Variants in MTUS2 observed in about 807,000 individuals in gnomAD.
MTUS2 encodes the protein microtubule-associated tumor suppressor candidate 2.
MTUS2 carries 40 observed loss-of-function variants against 114.1 expected under a neutral mutation model. That is an observed-to-expected ratio of 0.35 (90% confidence interval 0.27 to 0.46). The LOEUF (loss-of-function observed/expected upper bound fraction) is 0.46, where lower values mean the gene tolerates loss of function less well. MTUS2 is among the 20% of genes least tolerant of loss of function. The pLI is 1.00. For missense variants in MTUS2, 1,679 were observed against 1,705.4 expected (o/e 0.98, Z 0.27); for synonymous variants, 688 against 672.0 (o/e 1.02, Z -0.37).
chr13:29,064,573 T>C (rs141648074), intron 4 of MTUS2, among the ~76,000 whole-genome samples: 1,599 of 152,268 alleles, frequency 0.011, 26 homozygotes, highest in African/African-American at 0.037. Context: ...TTTTTACACA[T>C]TGTCATATTT....
chr13:29,490,417 A>G (rs1455321082), intron 11 of MTUS2, among the ~76,000 whole-genome samples: 2 of 152,222 alleles, frequency 1.3e-5, no homozygotes, highest in African/African-American at 4.8e-5. Flanking sequence ...CCCTCTCATT[A>G]TAACATGAAA....
At chr13:29,376,203 A>T (rs1871734247) in intron 8 of MTUS2, among the ~76,000 whole-genome samples, 1 of 152,190 alleles carries the variant, frequency 6.6e-6, no homozygotes. Flanking sequence ...AGTATATTCA[A>T]GGTTAAAAGC....
intron 4 of MTUS2, among the ~76,000 whole-genome samples, chr13:29,043,230 A>G (rs1217962003): frequency 4.6e-5 from 7 of 152,040 alleles, no homozygotes; most frequent in African/African-American, 9.7e-5. Context: ...ATTTCCATGT[A>G]TTTGCCTGCT....
intron 2 of MTUS2, among the ~76,000 whole-genome samples, chr13:28,929,464 A>T (rs1351929157): frequency 6.6e-6 from 1 of 152,216 alleles, no homozygotes; most frequent in African/African-American, 2.4e-5. Flanking sequence ...AATAAAAAAC[A>T]TAAAAATATT....
chr13:29,323,520 G>C (rs1478027471), intron 6 of MTUS2, among the ~76,000 whole-genome samples: 8 of 152,194 alleles, frequency 5.3e-5, no homozygotes, highest in African/African-American at 1.2e-4. Context: ...AAAGTGCTGG[G>C]ATGACAGGCG....
chr13:29,223,226 G>A (rs1184948798), intron 5 of MTUS2, among the ~76,000 whole-genome samples: 1 of 152,096 alleles, frequency 6.6e-6, no homozygotes, highest in African/African-American at 2.4e-5. Flanking sequence ...CCTGTCCATG[G>A]CCACCCATGG....
intron 2 of MTUS2, among the ~76,000 whole-genome samples, chr13:28,892,377 A>T (rs548072033): frequency 4.7e-4 from 71 of 152,232 alleles, no homozygotes; most frequent in African/African-American, 1.6e-3. Flanking sequence ...AGAAAGAGAC[A>T]ACCCCCTGGG....
At chr13:29,233,228 T>C (rs1428590039) in intron 5 of MTUS2, among the ~76,000 whole-genome samples, 4 of 55,010 alleles carry the variant, frequency 7.3e-5, no homozygotes, top group Non-Finnish European at 1.3e-4. Context: ...TTTTGCATTT[T>C]TTAAGAAAAA....
At chr13:29,144,270 C>T (rs984092783) in intron 5 of MTUS2, among the ~76,000 whole-genome samples, 7 of 152,106 alleles carry the variant, frequency 4.6e-5, no homozygotes, top group African/African-American at 9.7e-5. Flanking sequence ...GGAGTCTGAG[C>T]GTGACTTAGA....
At chr13:29,289,658 G>A (rs1178508448) in intron 6 of MTUS2, among the ~76,000 whole-genome samples, 1 of 151,826 alleles carries the variant, frequency 6.6e-6, no homozygotes, top group Non-Finnish European at 1.5e-5. Flanking sequence ...GTAGAGACAG[G>A]GTTTCGCCAT....
intron 5 of MTUS2, among the ~76,000 whole-genome samples, chr13:29,223,509 A>C (rs1895988081): frequency 6.6e-6 from 1 of 152,190 alleles, no homozygotes; most frequent in Non-Finnish European, 1.5e-5. Context: ...AGAGCTGATC[A>C]GATGTTGGGA....
At chr13:29,294,544 T>C (rs1898857673) in intron 6 of MTUS2, among the ~76,000 whole-genome samples, 1 of 152,196 alleles carries the variant, frequency 6.6e-6, no homozygotes, top group African/African-American at 2.4e-5. Context: ...GAAGGGCTCA[T>C]AGGACTTAGA....
intron 8 of MTUS2, chr13:29,428,762 G>A (rs1008316890): frequency 1.9e-6 from 3 of 1,603,866 alleles, no homozygotes; most frequent in African/African-American, 2.7e-5. Flanking sequence ...CGCCCCTTTC[G>A]TGTGTGCCGG....
At chr13:29,290,575 C>T (rs1357885601) in intron 6 of MTUS2, among the ~76,000 whole-genome samples, 2 of 152,178 alleles carry the variant, frequency 1.3e-5, no homozygotes, top group African/African-American at 4.8e-5. Context: ...CGTGATCCGC[C>T]TGCCTCGGCC....
intron 2 of MTUS2, among the ~76,000 whole-genome samples, chr13:28,961,583 A>G (rs1883330544): frequency 6.6e-6 from 1 of 152,202 alleles, no homozygotes; most frequent in Non-Finnish European, 1.5e-5. Flanking sequence ...TTATGAAAAT[A>G]AAATTTAATT....
intron 5 of MTUS2, among the ~76,000 whole-genome samples, chr13:29,122,116 A>G (rs962110516): frequency 6.6e-6 from 1 of 152,136 alleles, no homozygotes; most frequent in African/African-American, 2.4e-5. Context: ...CTCTTTACTG[A>G]TGCAAAAACA....
chr13:28,855,475 C>G (rs951152306), intron 2 of MTUS2, among the ~76,000 whole-genome samples: 1 of 152,120 alleles, frequency 6.6e-6, no homozygotes, highest in African/African-American at 2.4e-5. Flanking sequence ...CTCCCTGTGT[C>G]TGTATGTTCT....
chr13:29,123,716 A>ACACACACACACATG (rs1461466219), intron 5 of MTUS2, among the ~76,000 whole-genome samples: 3 of 151,664 alleles, frequency 2.0e-5, no homozygotes, highest in African/African-American at 7.3e-5. Flanking sequence ...CAAAACAAAC[A>ACACACACACACATG]CACACACACA....
chr13:29,196,129 C>A (rs1310229738), intron 5 of MTUS2, among the ~76,000 whole-genome samples: 2 of 150,346 alleles, frequency 1.3e-5, no homozygotes, highest in African/African-American at 4.9e-5. Flanking sequence ...TGGAGTCTCG[C>A]TCTGTCGCCG....
Sources: gnomAD v4.1 joint callset for allele counts (sites outside exome capture counted in the v4.1 genomes callset) on GRCh38, gnomAD v4.1.1 for gene constraint, MANE v1.5 for transcripts, NCBI Gene and HGNC (gene_info 2026-07-23, HGNC 2026-07-21) for gene names.